NYAP2: variants seen among roughly 807,000 people sequenced by gnomAD.
NYAP2 encodes the protein neuronal tyrosine-phosphorylated phosphoinositide-3-kinase adapter 2.
In NYAP2, 23 loss-of-function variants were observed where a neutral mutation model predicts 50.4. The ratio of observed to expected loss-of-function variants is 0.46; its 90% confidence interval spans 0.33 to 0.65. The LOEUF (loss-of-function observed/expected upper bound fraction) is 0.65, where lower values mean the gene tolerates loss of function less well. NYAP2 is among the 30% of genes least tolerant of loss of function. The pLI is 0.02. For missense variants in NYAP2, 885 were observed against 861.0 expected (o/e 1.03, Z -0.35); for synonymous variants, 394 against 365.2 (o/e 1.08, Z -0.90).
At chr2:225,658,701 T>A (rs17411017), downstream of NYAP2, among the ~76,000 whole-genome samples, 2,343 of 152,348 alleles carry the variant, frequency 0.015, 18 homozygotes, top group Middle Eastern at 0.024. Context: ...GCACTCTCTA[T>A]GAGCTTTAAT....
the NYAP2 span, among the ~76,000 whole-genome samples, chr2:225,673,226 C>T: frequency 6.6e-6 from 1 of 152,156 alleles, no homozygotes; most frequent in South Asian, 2.1e-4. Context: ...GACCTGCCCC[C>T]ATGCTTCAAT....
chr2:225,458,549 G>A (rs1393588180), intron 3 of NYAP2, among the ~76,000 whole-genome samples: 2 of 152,168 alleles, frequency 1.3e-5, no homozygotes, highest in African/African-American at 4.8e-5. Context: ...AAGGAATGCT[G>A]CTTTGTGCTG....
chr2:225,505,502 A>G lies in NYAP2; in HGVS notation c.222-7869A>G, dbSNP rs1387463684. 4.6e-5 allele frequency among the ~76,000 whole-genome samples: 7 copies of G among 152,232 alleles called. No homozygotes were observed. In the East Asian group the frequency reaches 1.3e-3, roughly 29 times the overall value. Reference sequence around the variant, plus strand: ...GTATACTGCCTGATTTAAAAACTATATATGGGGCAAATATATAAAGCAGTT... The same window carrying G: ...GTATACTGCCTGATTTAAAAACTATGTATGGGGCAAATATATAAAGCAGTT... On this transcript the variant is annotated intron_variant, in intron 3 of 6. Coordinates refer to ENST00000636099, the Ensembl canonical transcript of NYAP2.
At chr2:225,528,743 C>T (rs1467202724) in intron 4 of NYAP2, among the ~76,000 whole-genome samples, 2 of 152,292 alleles carry the variant, frequency 1.3e-5, no homozygotes, top group African/African-American at 4.8e-5. Context: ...GTGCTTTCAC[C>T]TGTGATTCTC....
intron 5 of NYAP2, among the ~76,000 whole-genome samples, chr2:225,607,118 T>A (rs1039327717): frequency 1.3e-5 from 2 of 152,142 alleles, no homozygotes; most frequent in African/African-American, 4.8e-5. Context: ...CACTTTAAAC[T>A]GAGAAAACAG....
At chr2:225,653,553 A>G (rs1430897830) in exon 7 of NYAP2, 1 of 152,256 alleles carries the variant, frequency 6.6e-6, no homozygotes, top group East Asian at 1.9e-4. Flanking sequence ...CAGTCAAATC[A>G]TACATGGGCT....
the NYAP2 span, among the ~76,000 whole-genome samples, chr2:225,671,589 T>C: frequency 3.9e-5 from 6 of 152,296 alleles, no homozygotes; most frequent in South Asian, 1.2e-3. Flanking sequence ...CCTGTTCATG[T>C]TGATATTTCA....
the NYAP2 span, among the ~76,000 whole-genome samples, chr2:225,685,751 T>C: frequency 1.3e-5 from 2 of 152,296 alleles, no homozygotes; most frequent in African/African-American, 4.8e-5. Context: ...TGGTTCTGTA[T>C]GTGGACACAA....
chr2:225,405,029 G>A (rs1201187298), intron 2 of NYAP2, among the ~76,000 whole-genome samples: 1 of 152,040 alleles, frequency 6.6e-6, no homozygotes, highest in Non-Finnish European at 1.5e-5. Flanking sequence ...ATTGCAAAGA[G>A]AACACATCTG....
intron 3 of NYAP2, among the ~76,000 whole-genome samples, chr2:225,428,378 A>G (rs554718962): frequency 2.6e-5 from 4 of 152,032 alleles, no homozygotes; most frequent in Admixed American, 6.5e-5. Context: ...TCTTCCTCCC[A>G]CTTCCTGTGT....
At chr2:225,404,631 A>G (rs1363114376) in intron 2 of NYAP2, among the ~76,000 whole-genome samples, 2 of 151,994 alleles carry the variant, frequency 1.3e-5, no homozygotes, top group African/African-American at 4.8e-5. Context: ...CAAATTTTGG[A>G]AAGTGTCACA....
chr2:225,674,189 G>A, the NYAP2 span, among the ~76,000 whole-genome samples: 5 of 152,122 alleles, frequency 3.3e-5, no homozygotes, highest in African/African-American at 1.2e-4. Context: ...TTGATGAGGA[G>A]ACTGGGGACT....
At chr2:225,504,086 G>T (rs1438061282) in intron 3 of NYAP2, among the ~76,000 whole-genome samples, 3 of 152,164 alleles carry the variant, frequency 2.0e-5, no homozygotes. Flanking sequence ...GGAAGGAAGG[G>T]GAGGTAAATT....
At chr2:225,643,044 C>G (rs1693559903) in intron 6 of NYAP2, among the ~76,000 whole-genome samples, 1 of 151,966 alleles carries the variant, frequency 6.6e-6, no homozygotes, top group Middle Eastern at 3.4e-3. Context: ...AAATAAATGA[C>G]CTTAATAAAC....
chr2:225,454,860 T>C (rs1689713514), intron 3 of NYAP2, among the ~76,000 whole-genome samples: 1 of 152,038 alleles, frequency 6.6e-6, no homozygotes, highest in African/African-American at 2.4e-5. Context: ...TTATGTTAAA[T>C]AGCAAGGGGC....
At chr2:225,518,579 C>T (rs10469785) in intron 4 of NYAP2, among the ~76,000 whole-genome samples, 1 of 81,600 alleles carries the variant, frequency 1.2e-5, no homozygotes, top group Non-Finnish European at 2.4e-5. Context: ...TTAGCGTGTG[C>T]GCTTATATAT....
the NYAP2 span, among the ~76,000 whole-genome samples, chr2:225,694,160 T>A: frequency 1.3e-5 from 2 of 152,068 alleles, no homozygotes; most frequent in Admixed American, 1.3e-4. Flanking sequence ...GCCTTTGGAT[T>A]AAAGATAAGA....
intron 4 of NYAP2, among the ~76,000 whole-genome samples, chr2:225,534,252 C>T (rs1272914049): frequency 6.6e-6 from 1 of 152,196 alleles, no homozygotes; most frequent in East Asian, 1.9e-4. Context: ...TAGCATTTCC[C>T]TCATTCCCCC....
At chr2:225,450,397 T>G (rs1433157793) in intron 3 of NYAP2, among the ~76,000 whole-genome samples, 1 of 152,170 alleles carries the variant, frequency 6.6e-6, no homozygotes. Context: ...GCAAACTCAA[T>G]TCAAGGTGTC....
Sources: gnomAD v4.1 joint callset for allele counts (sites outside exome capture counted in the v4.1 genomes callset) on GRCh38, gnomAD v4.1.1 for gene constraint, MANE v1.5 for transcripts, NCBI Gene and HGNC (gene_info 2026-07-23, HGNC 2026-07-21) for gene names.